LRRC9: variants seen among roughly 807,000 people sequenced by gnomAD.
LRRC9 encodes the protein leucine rich repeat containing 9, also known as leucine-rich repeat-containing protein 9.
In LRRC9, 122 loss-of-function variants were observed where a neutral mutation model predicts 63.2. That is an observed-to-expected ratio of 1.93 (90% confidence interval 1.67 to 2.24). The LOEUF (loss-of-function observed/expected upper bound fraction) is 2.24. LRRC9 is among the 30% of genes most tolerant of loss of function. The probability of loss-of-function intolerance (pLI) is 0.00; values close to 1 mark genes in which losing one functional copy is unlikely to be tolerated. For synonymous variants in LRRC9, 366 were observed against 213.1 expected (o/e 1.72, Z -6.25); for missense variants, 1,071 against 627.7 (o/e 1.71, Z -7.55).
At position 59,927,370 on chromosome 14, in the gene LRRC9, A is replaced by G. The variant is rs932573019; in HGVS notation, c.-33-541A>G. Reference sequence around the variant, plus strand: ...CCAACTGAAGTATTAGTTGGTTCATATTCTCTAGAATGAAGGAGAAGTTGG... The same window carrying G: ...CCAACTGAAGTATTAGTTGGTTCATGTTCTCTAGAATGAAGGAGAAGTTGG... On this transcript the variant is annotated intron_variant, in intron 1 of 31. Coordinates refer to ENST00000445360, the Ensembl canonical transcript of LRRC9. The surrounding 1 kb of genome is among the most constrained non-coding windows in gnomAD (Gnocchi z 4.4). Among the ~76,000 whole-genome samples the G allele has an allele frequency of 3.3e-5, 5 of 152,098 alleles. No individual in the cohort carries two copies. The highest frequency in any genetic ancestry group is 1.2e-4 in the African/African-American group (5 of 41,456).
At chr14:60,036,924 C>A (rs767274298) in intron 29 of LRRC9, among the ~76,000 whole-genome samples, 6 of 152,146 alleles carry the variant, frequency 3.9e-5, no homozygotes, top group Non-Finnish European at 7.4e-5. Context: ...ACTCCCCCAA[C>A]CCCACGACAG....
At chr14:60,022,748 G>C (rs1227613294) in exon 27 of LRRC9, 1 of 650,324 alleles carries the variant, frequency 1.5e-6, no homozygotes, top group East Asian at 2.8e-5. Flanking sequence ...ATAATGAGCA[G>C]TGAAAATTTG....
At chr14:59,989,337 C>A (rs1887808518) in intron 17 of LRRC9, among the ~76,000 whole-genome samples, 1 of 151,710 alleles carries the variant, frequency 6.6e-6, no homozygotes, top group South Asian at 2.1e-4. Flanking sequence ...TCTCTTGAAT[C>A]CTTTTTGTCT....
intron 28 of LRRC9, among the ~76,000 whole-genome samples, chr14:60,028,769 T>C (rs1044546853): frequency 5.3e-5 from 8 of 152,112 alleles, no homozygotes; most frequent in African/African-American, 1.7e-4. Context: ...ACCTCTAAGA[T>C]AGCCTCAAAG....
At chr14:59,957,186 G>A (rs763960532) in intron 8 of LRRC9, among the ~76,000 whole-genome samples, 26 of 152,134 alleles carry the variant, frequency 1.7e-4, no homozygotes, top group South Asian at 2.1e-4. Flanking sequence ...TTGCTAGGGT[G>A]AGGAAGTTCT....
intron 23 of LRRC9, among the ~76,000 whole-genome samples, chr14:60,014,083 A>C: frequency 6.6e-6 from 1 of 151,574 alleles, no homozygotes; most frequent in East Asian, 1.9e-4. Context: ...CTCTTCATAT[A>C]GTTTTTTTTA....
chr14:60,019,026 ATATAT>A, intron 25 of LRRC9, 90 bp from the exon 26 acceptor site: 1 of 525,406 alleles, frequency 1.9e-6, no homozygotes. Flanking sequence ...TTTAGCACTA[ATATAT>A]TATTAAATTA....
chr14:60,016,695 T>G, exon 24 of LRRC9: 2 of 700,868 alleles, frequency 2.9e-6, no homozygotes, highest in East Asian at 5.4e-5. Context: ...AAGATTTGTT[T>G]GGTGGTAGAC....
chr14:59,975,101 ACATATATATATGTATATATATATATG>A (rs1886025806), intron 13 of LRRC9, among the ~76,000 whole-genome samples: 2 of 23,298 alleles, frequency 8.6e-5, no homozygotes, highest in Non-Finnish European at 3.7e-4. Flanking sequence ...ATATATATAT[ACATATATATATGTATATATATATATG>A]TATATATATA....
intron 17 of LRRC9, among the ~76,000 whole-genome samples, chr14:59,994,471 G>A (rs988384717): frequency 8.5e-5 from 13 of 152,182 alleles, no homozygotes; most frequent in African/African-American, 3.1e-4. Context: ...CAGGGATCTA[G>A]AACTAGAAAT....
rs1894047244 is a variant in LRRC9 at position 60,053,419 on chromosome 14, A to ACACACG, written c.4131+216_4131+217insCACGCA. Among the ~76,000 whole-genome samples, 1 of 16,240 alleles carries ACACACG rather than the reference A, an allele frequency of 6.2e-5. No individual in the cohort carries two copies. Among genetic ancestry groups the ACACACG allele is most frequent in the African/African-American group, 9.1e-5 (1 of 10,978 alleles). The allele number at this position is 16,240 out of a possible 152,430, so 10.7% of individuals were successfully genotyped here. On this transcript the variant is annotated intron_variant, in intron 30 of 31. Coordinates refer to ENST00000445360, the Ensembl canonical transcript of LRRC9. This position sits in a 1 kb window ranked among gnomAD's most constrained non-coding sequence, Gnocchi z 4.8. ...CACACACACACACACACACACACAC[A>ACACACG]CATATATATGTAAGTCAGGGAACAT...
intron 8 of LRRC9, among the ~76,000 whole-genome samples, chr14:59,953,842 G>GCTTA (rs1883432333): frequency 6.6e-6 from 1 of 152,146 alleles, no homozygotes; most frequent in South Asian, 2.1e-4. Flanking sequence ...TTTGTATAAG[G>GCTTA]CTTAAGGAAG....
chr14:59,973,532 A>G (rs1007092334), intron 12 of LRRC9: 54 of 152,276 alleles, frequency 3.5e-4, no homozygotes, highest in African/African-American at 1.2e-3. Context: ...ACACAAGTCC[A>G]TTATATAAAA....
chr14:59,924,569 C>T (rs1320724052), intron 1 of LRRC9, among the ~76,000 whole-genome samples: 1 of 152,182 alleles, frequency 6.6e-6, no homozygotes, highest in Non-Finnish European at 1.5e-5. Flanking sequence ...CTCCCACTTA[C>T]ATTATTACAA....
At chr14:60,019,083 T>G in intron 25 of LRRC9, 38 bp from the exon 26 acceptor site, 1 of 630,580 alleles carries the variant, frequency 1.6e-6, no homozygotes, top group East Asian at 2.8e-5. Context: ...TTTTAATAAT[T>G]TCTAGGATTT....
intron 12 of LRRC9, among the ~76,000 whole-genome samples, chr14:59,970,326 T>G (rs1286416314): frequency 6.6e-6 from 1 of 152,160 alleles, no homozygotes; most frequent in Admixed American, 6.6e-5. Flanking sequence ...CACATTTTCT[T>G]TATCCAGTCT....
rs930331638 is a variant in LRRC9 at position 60,060,591 on chromosome 14, A to G, written c.4276+2569A>G. Among the ~76,000 whole-genome samples, 1 of 152,036 alleles carries G rather than the reference A, an allele frequency of 6.6e-6. No individual in the cohort carries two copies. The highest frequency in any genetic ancestry group is 1.5e-5 in the Non-Finnish European group (1 of 67,998). On this transcript the variant is annotated intron_variant, in intron 31 of 31. Coordinates refer to ENST00000445360, the Ensembl canonical transcript of LRRC9. The surrounding 1 kb of genome is among the most constrained non-coding windows in gnomAD (Gnocchi z 4.0). ...CCGTCTCTACTAAAAATACAAAAAAATTAGCTGGGCATGGTGGCGGGCGCC... is the reference window on the plus strand; with the variant it reads ...CCGTCTCTACTAAAAATACAAAAAAGTTAGCTGGGCATGGTGGCGGGCGCC...
intron 29 of LRRC9, among the ~76,000 whole-genome samples, chr14:60,045,615 TA>T (rs1365382596): frequency 6.6e-5 from 10 of 152,262 alleles, no homozygotes; most frequent in Admixed American, 1.3e-4. Context: ...CATTCCTTTT[TA>T]TGACTGAATA....
intron 29 of LRRC9, among the ~76,000 whole-genome samples, chr14:60,052,194 C>A (rs1006827093): frequency 6.6e-6 from 1 of 152,146 alleles, no homozygotes; most frequent in Admixed American, 6.5e-5. Flanking sequence ...AACACTGAGA[C>A]CATTTACATT....
Sources: allele counts gnomAD v4.1 joint callset (sites outside exome capture counted in the v4.1 genomes callset), GRCh38; gene constraint gnomAD v4.1.1; non-coding constraint Gnocchi (gnomAD v3.1); transcripts MANE v1.5; gene names NCBI Gene and HGNC (gene_info 2026-07-23, HGNC 2026-07-21).